SEC14L2: variants seen among roughly 807,000 people sequenced by gnomAD.
SEC14L2 encodes the protein SEC14-like protein 2.
SEC14L2 carries 50 observed loss-of-function variants against 56.9 expected under a neutral mutation model. The ratio of observed to expected loss-of-function variants is 0.88; its 90% confidence interval spans 0.70 to 1.11. The LOEUF (loss-of-function observed/expected upper bound fraction) is 1.11, where lower values mean the gene tolerates loss of function less well. Among genes scored for constraint, SEC14L2 ranks in the 50% most tolerant of loss-of-function variants. The pLI, the probability that SEC14L2 is intolerant of heterozygous loss-of-function variation, is 0.00. For synonymous variants in SEC14L2, 179 were observed against 188.5 expected, an observed-to-expected ratio of 0.95 and a Z score of 0.41; for missense variants, 414 against 500.7, an observed-to-expected ratio of 0.83 and a Z score of 1.65.
Position 30,406,339 on chromosome 22 carries a change from C to T in SEC14L2, c.131-3C>T, listed in dbSNP as rs369421650. 85 of 1,613,960 alleles carry T rather than the reference C, an allele frequency of 5.3e-5. No individual in the cohort carries two copies. The highest frequency in any genetic ancestry group is 6.7e-5 in the Non-Finnish European group (79 of 1,179,986). ...CCTGACCAGAACTGTTTCCCTGTTA[C>T]AGCCAGAAGCTTCGACCTGCAGAAG... On this transcript the variant is annotated splice_polypyrimidine_tract_variant and splice_region_variant and intron_variant, in intron 2 of 11. Transcript: ENST00000615189.
intron 5 of SEC14L2, chr22:30,408,902 G>T (rs978108096): frequency 1.2e-5 from 6 of 480,612 alleles, no homozygotes; most frequent in African/African-American, 9.7e-5. Flanking sequence ...ACTCAGGAAG[G>T]GGGAGGCCAT....
Position 30,425,043 on chromosome 22 carries a change from C to T in SEC14L2, c.*2636C>T, listed in dbSNP as rs1934631878. On this transcript the variant is annotated 3_prime_UTR_variant, in exon 12 of 12. Coordinates refer to ENST00000615189, the MANE Select transcript of SEC14L2 (RefSeq NM_012429.5). ...AGGCACCTACCTCCCAGGGGCTCAC[C>T]GTTCACTCCTCTAGCCTCATTTAGA... 5.8e-6 allele frequency: 2 copies of T among 345,024 alleles called. No homozygotes were observed. Among genetic ancestry groups the T allele is most frequent in the South Asian group, 4.3e-5 (2 of 46,026 alleles). 21.4% of individuals were successfully genotyped at this position (345,024 alleles called of 1,614,324 possible).
At chr22:30,416,728 G>C (rs895384012) in intron 11 of SEC14L2, 1 of 1,350,558 alleles carries the variant, frequency 7.4e-7, no homozygotes, top group Non-Finnish European at 9.5e-7. Context: ...TATTTCTTGG[G>C]GATGCTCCTT....
Position 30,409,025 on chromosome 22 carries a change from A to G in SEC14L2, c.424-162A>G, listed in dbSNP as rs529994303. On this transcript the variant is annotated intron_variant, in intron 5 of 11. Transcript: ENST00000615189. ...GGAAGAGTGACTCGCCTAGACCACA[A>G]TTCTGGCCTGGGGTGATTATCTCAG... is the stretch of plus-strand genomic sequence containing the variant. 11 of 728,174 alleles carry G rather than the reference A, an allele frequency of 1.5e-5. 2 individuals carry two copies. The highest frequency in any genetic ancestry group is 5.9e-5 in the South Asian group (4 of 67,648). 45.1% of individuals were successfully genotyped at this position (728,174 alleles called of 1,614,324 possible).
At chr22:30,398,790 G>C (rs1366703703) in intron 1 of SEC14L2, 2 of 470,896 alleles carry the variant, frequency 4.2e-6, no homozygotes, top group Admixed American at 2.3e-5. Flanking sequence ...GGTGGAAAGA[G>C]TGTGTGCTCT....
chr22:30,409,533 C>A, intron 7 of SEC14L2, 47 bp downstream of exon 7: 3 of 1,554,212 alleles, frequency 1.9e-6, no homozygotes, highest in South Asian at 2.2e-5. Flanking sequence ...AAAGAGGGGT[C>A]AAAAACATGA....
intron 2 of SEC14L2, among the ~76,000 whole-genome samples, chr22:30,403,500 A>C (rs1475810885): frequency 6.6e-6 from 1 of 152,134 alleles, no homozygotes; most frequent in African/African-American, 2.4e-5. Flanking sequence ...CCATGCTTTG[A>C]GTTGCCCCTG....
At chr22:30,406,853 A>C (rs1445862497) in intron 3 of SEC14L2, among the ~76,000 whole-genome samples, 1 of 152,188 alleles carries the variant, frequency 6.6e-6, no homozygotes, top group Middle Eastern at 3.2e-3. Context: ...CCCGGGTTCA[A>C]GTGATTTCAT....
intron 8 of SEC14L2, among the ~76,000 whole-genome samples, chr22:30,411,725 C>A: frequency 1.7e-5 from 2 of 116,186 alleles, no homozygotes; most frequent in South Asian, 2.8e-4. Flanking sequence ...CCAGCCTGGG[C>A]AACAGAGACT....
At chr22:30,402,198 T>C (rs1325490204) in intron 2 of SEC14L2, among the ~76,000 whole-genome samples, 2 of 152,126 alleles carry the variant, frequency 1.3e-5, no homozygotes, top group Non-Finnish European at 2.9e-5. Context: ...GGCCCAGCAT[T>C]TGCTAAAGGG....
chr22:30,404,019 A>G (rs998793288), intron 2 of SEC14L2, among the ~76,000 whole-genome samples: 10 of 138,376 alleles, frequency 7.2e-5, no homozygotes, highest in African/African-American at 2.2e-4. Flanking sequence ...CAAAAAAAAA[A>G]AAAAAAAAAA....
At chr22:30,407,734 T>C (rs1934138576) in intron 5 of SEC14L2, 131 bp downstream of exon 5, 2 of 797,908 alleles carry the variant, frequency 2.5e-6, no homozygotes, top group Non-Finnish European at 3.6e-6. Flanking sequence ...TTTTTTTAAT[T>C]TTTAAAACTT....
At chr22:30,404,005 G>A (rs1342634355) in intron 2 of SEC14L2, among the ~76,000 whole-genome samples, 2 of 85,986 alleles carry the variant, frequency 2.3e-5, no homozygotes, top group African/African-American at 4.5e-5. Context: ...GCGAGACTCC[G>A]TCTCAAAAAA....
intron 2 of SEC14L2, among the ~76,000 whole-genome samples, chr22:30,402,908 G>A (rs1433296420): frequency 4.0e-5 from 6 of 151,266 alleles, no homozygotes; most frequent in African/African-American, 1.5e-4. Flanking sequence ...GCAAGACCCT[G>A]CCTCTACTTA....
intron 8 of SEC14L2, among the ~76,000 whole-genome samples, chr22:30,411,355 G>C (rs1424605755): frequency 1.3e-5 from 2 of 152,158 alleles, no homozygotes; most frequent in African/African-American, 4.8e-5. Flanking sequence ...GCAGGAGCAA[G>C]GTTGCTTTCA....
At chr22:30,397,514 G>A (rs965514948) in intron 1 of SEC14L2, 1 of 354,708 alleles carries the variant, frequency 2.8e-6, no homozygotes, top group Non-Finnish European at 5.1e-6. Context: ...CAGGGGCAGG[G>A]GCAGGGGCCC....
chr22:30,410,634 C>A lies in SEC14L2; in HGVS notation c.619C>A (p.Pro207Thr), dbSNP rs1249428757. 1 of 1,614,252 alleles carries A rather than the reference C, an allele frequency of 6.2e-7. No homozygotes were observed. The highest frequency in any genetic ancestry group is 2.2e-5 in the East Asian group (1 of 44,894). Reference sequence around the variant, plus strand: ...TCCTGTGGCCTATAACCTCATCAAACCCTTCCTGAGTGAGGACACTCGTAA... The same window carrying A: ...TCCTGTGGCCTATAACCTCATCAAAACCTTCCTGAGTGAGGACACTCGTAA... ...LFPVAYNLIKPFLSEDTRKKI... is the reference protein window; with the variant it reads ...LFPVAYNLIKTFLSEDTRKKI... The change falls in exon 8 of 12, where the codon CCC becomes ACC. Residue 207 changes from proline (P) to threonine (T), a missense_variant. Pro to Thr is a conservative substitution (Grantham distance 38). Transcript: ENST00000615189.
chr22:30,409,337 C>T (rs780886321), intron 6 of SEC14L2, 55 bp downstream of exon 6: 3 of 1,601,368 alleles, frequency 1.9e-6, no homozygotes, highest in African/African-American at 2.7e-5. Flanking sequence ...GAGGAGTAGA[C>T]CCCTCTCCTA....
At position 30,424,609 on chromosome 22, in the gene SEC14L2, C is replaced by T. The variant is rs970443796; in HGVS notation, c.*2202C>T. On this transcript the variant is annotated 3_prime_UTR_variant, in exon 12 of 12. Coordinates refer to ENST00000615189, the MANE Select transcript of SEC14L2 (RefSeq NM_012429.5). ...TAAAGGAAATAAGCCGTGCAAAGCG[C>T]TTAAGAGCTTGGTATAAGTAAGTGC... is the stretch of plus-strand genomic sequence containing the variant. 6.9e-6 allele frequency: 3 copies of T among 431,810 alleles called. No individual in the cohort carries two copies. The highest frequency in any genetic ancestry group is 1.4e-5 in the Non-Finnish European group (3 of 216,086). The allele number at this position is 431,810 out of a possible 1,614,324, so 26.7% of individuals were successfully genotyped here. A position where few individuals can be genotyped will look rare whatever the true frequency, so the allele number is the denominator to read the frequency against.
Sources: gnomAD v4.1 joint callset for allele counts (sites outside exome capture counted in the v4.1 genomes callset) on GRCh38, gnomAD v4.1.1 for gene constraint, MANE v1.5 for transcripts, NCBI Gene and HGNC (gene_info 2026-07-23, HGNC 2026-07-21) for gene names.